R3HDM2: variants seen among roughly 807,000 people sequenced by gnomAD.
The protein encoded by R3HDM2 is R3H domain containing 2.
R3HDM2 carries 38 observed loss-of-function variants against 124.5 expected under a neutral mutation model. That is an observed-to-expected ratio of 0.31 (90% CI 0.24 to 0.40). The LOEUF (loss-of-function observed/expected upper bound fraction) is 0.40, where lower values mean the gene tolerates loss of function less well. Ranked by LOEUF, R3HDM2 falls within the 10% of genes least tolerant of loss-of-function variation. The pLI is 1.00. For missense variants in R3HDM2, 869 were observed against 1,236.9 expected, an observed-to-expected ratio of 0.70 and a Z score of 4.46; for synonymous variants, 391 against 448.0, an observed-to-expected ratio of 0.87 and a Z score of 1.61.
intron 2 of R3HDM2, among the ~76,000 whole-genome samples, chr12:57,392,117 C>T (rs544395161): frequency 3.3e-5 from 5 of 152,170 alleles, no homozygotes; most frequent in Non-Finnish European, 5.9e-5. Flanking sequence ...GAGCCGAGAT[C>T]GTGCAACTCC....
At chr12:57,323,999 A>G (rs982334129) in intron 2 of R3HDM2, among the ~76,000 whole-genome samples, 24 of 152,086 alleles carry the variant, frequency 1.6e-4, no homozygotes, top group Non-Finnish European at 5.9e-5. Flanking sequence ...CCCCTTTGCG[A>G]AACTGTTTCC....
intron 1 of R3HDM2, among the ~76,000 whole-genome samples, chr12:57,402,409 C>T (rs528110129): frequency 3.5e-4 from 53 of 152,194 alleles, no homozygotes; most frequent in Non-Finnish European, 6.6e-4. Context: ...AGTGCAGTGA[C>T]GCCATTTCAG....
intron 2 of R3HDM2, among the ~76,000 whole-genome samples, chr12:57,394,420 C>G (rs1260538777): frequency 6.6e-6 from 1 of 152,100 alleles, no homozygotes; most frequent in Non-Finnish European, 1.5e-5. Context: ...ACCAGCCTGG[C>G]CAACATGGCG....
intron 14 of R3HDM2, among the ~76,000 whole-genome samples, chr12:57,270,269 C>A (rs1223752161): frequency 3.9e-5 from 6 of 152,154 alleles, no homozygotes; most frequent in African/African-American, 1.4e-4. Context: ...GTTGCCCAGC[C>A]TGGAGTGCAG....
chr12:57,264,785 TGC>T (rs2041904747), intron 19 of R3HDM2, among the ~76,000 whole-genome samples: 1 of 152,016 alleles, frequency 6.6e-6, no homozygotes, highest in Non-Finnish European at 1.5e-5. Context: ...TAAAAGCACA[TGC>T]CACCATGCCC....
chr12:57,264,864 T>C (rs2041926301), intron 19 of R3HDM2, among the ~76,000 whole-genome samples: 2 of 152,184 alleles, frequency 1.3e-5, no homozygotes, highest in African/African-American at 4.8e-5. Context: ...CTCGAACTCC[T>C]GGCTTCAAGA....
chr12:57,294,847 A>G (rs1302373550), intron 10 of R3HDM2, among the ~76,000 whole-genome samples: 2 of 152,226 alleles, frequency 1.3e-5, no homozygotes, highest in East Asian at 1.9e-4. Context: ...CCCAGCATCA[A>G]ATGTCAAATT....
intron 2 of R3HDM2, among the ~76,000 whole-genome samples, chr12:57,338,289 G>A (rs1173233692): frequency 6.6e-6 from 1 of 152,170 alleles, no homozygotes; most frequent in Non-Finnish European, 1.5e-5. Context: ...GGCAACAAGA[G>A]CAAAGCTCCA....
Position 57,356,129 on chromosome 12 carries a change from C to T in R3HDM2, c.-36+39620G>A, listed in dbSNP as rs535928016. Among the ~76,000 whole-genome samples, 7 of 152,170 alleles carry T rather than the reference C, an allele frequency of 4.6e-5. 1 individual carries two copies. In the South Asian group the frequency reaches 1.5e-3, roughly 32 times the overall value. On this transcript the variant is annotated intron_variant, in intron 2 of 23. Transcript: ENST00000402412. ...TGAAAAGAATCAGTAAGAGCAAATA[C>T]CCATGCCTTTTTCTTATTCTTAGGG...
chr12:57,421,846 CA>C (rs1193408024), intron 1 of R3HDM2, among the ~76,000 whole-genome samples: 2 of 152,048 alleles, frequency 1.3e-5, no homozygotes, highest in African/African-American at 4.8e-5. Flanking sequence ...CCTGTAATCC[CA>C]GCACTCTGGG....
intron 14 of R3HDM2, among the ~76,000 whole-genome samples, chr12:57,277,921 GGGAAAAAGAA>G (rs1371398086): frequency 2.0e-5 from 3 of 151,680 alleles, no homozygotes; most frequent in African/African-American, 7.3e-5. Flanking sequence ...AGGCCAATCA[GGGAAAAAGAA>G]AGCAAAAGAA....
chr12:57,357,564 T>C (rs1034280790), intron 2 of R3HDM2, among the ~76,000 whole-genome samples: 3 of 152,084 alleles, frequency 2.0e-5, no homozygotes, highest in African/African-American at 7.2e-5. Flanking sequence ...GGTGTGTGTG[T>C]CTTCTCTTTT....
rs538570302 is a variant in R3HDM2, at chr12:57,352,823, T to C, written c.-35-42360A>G. ...AGCTTCTTATATAGTAATTAAGACC[T>C]GGGAATTGAGCAGATCAATGGGAAA... is the stretch of plus-strand genomic sequence containing the variant. On this transcript the variant is annotated intron_variant, in intron 2 of 23. Coordinates refer to ENST00000402412, the MANE Select transcript of R3HDM2 (RefSeq NM_001394031.1). 1.2e-4 allele frequency among the ~76,000 whole-genome samples: 18 copies of C among 152,192 alleles called. No homozygotes were observed. The South Asian group carries it at 2.3e-3, about 19-fold the overall frequency.
At chr12:57,299,506 G>C in intron 5 of R3HDM2, 28 bp from the exon 6 acceptor site, 1 of 1,535,198 alleles carries the variant, frequency 6.5e-7, no homozygotes, top group Non-Finnish European at 8.8e-7. Context: ...TAATCAAAGG[G>C]GGAAAAAGAT....
intron 2 of R3HDM2, among the ~76,000 whole-genome samples, chr12:57,329,749 A>AAAATAG (rs1555264162): frequency 6.7e-6 from 1 of 150,260 alleles, no homozygotes; most frequent in Non-Finnish European, 1.5e-5. Flanking sequence ...CCGTCTCAAA[A>AAAATAG]AAAAAGAAAA....
At chr12:57,412,020 C>A (rs2069050987) in intron 1 of R3HDM2, among the ~76,000 whole-genome samples, 1 of 152,132 alleles carries the variant, frequency 6.6e-6, no homozygotes, top group Non-Finnish European at 1.5e-5. Context: ...TAAGACATGC[C>A]TGCTTTTTCT....
chr12:57,417,976 C>A (rs1348120109), intron 1 of R3HDM2, among the ~76,000 whole-genome samples: 1 of 152,106 alleles, frequency 6.6e-6, no homozygotes, highest in African/African-American at 2.4e-5. Flanking sequence ...CCCTGAGTAA[C>A]CCTGTTCCCT....
At chr12:57,347,390 AC>A (rs2051453650) in intron 2 of R3HDM2, among the ~76,000 whole-genome samples, 1 of 152,202 alleles carries the variant, frequency 6.6e-6, no homozygotes, top group Non-Finnish European at 1.5e-5. Context: ...AAAAACCTAT[AC>A]AAAAAGATAT....
chr12:57,317,622 TG>T (rs2055370312), intron 2 of R3HDM2, among the ~76,000 whole-genome samples: 1 of 116,408 alleles, frequency 8.6e-6, no homozygotes, highest in African/African-American at 3.2e-5. Flanking sequence ...GTCAGAATCC[TG>T]GGAGATAGTT....
Sources: gnomAD v4.1 joint callset for allele counts (sites outside exome capture counted in the v4.1 genomes callset) on GRCh38, gnomAD v4.1.1 for gene constraint, MANE v1.5 for transcripts, NCBI Gene and HGNC (gene_info 2026-07-23, HGNC 2026-07-21) for gene names.